The following SYCP1 variants were observed in gnomAD, a reference collection of about 807,000 sequenced individuals.
SYCP1 encodes cancer/testis antigen 8.
SYCP1 carries 64 observed loss-of-function variants against 153.1 expected under a neutral mutation model. The ratio of observed to expected loss-of-function variants is 0.42; its 90% CI spans 0.34 to 0.51. SYCP1 has a LOEUF of 0.51. SYCP1 is among the 20% of genes least tolerant of loss of function. The pLI is 0.06. For missense variants in SYCP1, 997 were observed against 1,049.0 expected, an observed-to-expected ratio of 0.95 and a Z score of 0.68; for synonymous variants, 384 against 341.8, an observed-to-expected ratio of 1.12 and a Z score of -1.36.
At chr1:114,859,717 A>G in intron 6 of SYCP1, 26 bp from the exon 7 acceptor site, 2 of 1,010,616 alleles carry the variant, frequency 2.0e-6, no homozygotes, top group Non-Finnish European at 2.6e-6. Context: ...GCAAAATGGG[A>G]TGAACTTTTC....
At chr1:114,917,995 C>T (rs2101702737) in intron 20 of SYCP1, among the ~76,000 whole-genome samples, 1 of 151,340 alleles carries the variant, frequency 6.6e-6, no homozygotes, top group South Asian at 2.1e-4. Flanking sequence ...TTGATGTGAT[C>T]TGACTTATCT....
chr1:114,856,456 G>A lies in SYCP1; in HGVS notation c.109-117G>A, dbSNP rs183809331. The A allele has an allele frequency of 8.2e-5, 49 of 596,270 alleles. No homozygotes were observed. In the East Asian group the frequency reaches 1.5e-3, roughly 18 times the overall value. 36.9% of individuals were successfully genotyped at this position (596,270 alleles called of 1,614,324 possible). On this transcript the variant is annotated intron_variant, in intron 2 of 31. Coordinates refer to ENST00000369522, the MANE Select transcript of SYCP1 (RefSeq NM_003176.4). The stretch of plus-strand genomic sequence containing the variant: ...TTTAAACACTGTATGTACATTAAAG[G>A]ATTTGCAATTATAGTAACCTTTTTA...
chr1:114,914,867 C>T (rs1668414605), intron 20 of SYCP1, among the ~76,000 whole-genome samples: 1 of 152,180 alleles, frequency 6.6e-6, no homozygotes, highest in Non-Finnish European at 1.5e-5. Flanking sequence ...GATGATGGTG[C>T]AGACTAAGTC....
At chr1:114,901,781 C>T (rs1207925852) in intron 16 of SYCP1, among the ~76,000 whole-genome samples, 1 of 152,050 alleles carries the variant, frequency 6.6e-6, no homozygotes, top group Non-Finnish European at 1.5e-5. Context: ...AATAGTGATC[C>T]CCATCATTCC....
At chr1:114,900,011 G>A (rs969985007) in intron 16 of SYCP1, among the ~76,000 whole-genome samples, 2 of 152,170 alleles carry the variant, frequency 1.3e-5, no homozygotes, top group African/African-American at 4.8e-5. Context: ...CCAAAGTCGT[G>A]ATTCAGAAAC....
At chr1:114,872,488 T>G (rs1370065683) in intron 8 of SYCP1, among the ~76,000 whole-genome samples, 1 of 152,172 alleles carries the variant, frequency 6.6e-6, no homozygotes, top group Admixed American at 6.5e-5. Context: ...GTAGTTTGAA[T>G]GTAATATGCA....
At chr1:114,913,537 T>TAAGCATATATGACATATA (rs1553194154) in intron 19 of SYCP1, among the ~76,000 whole-genome samples, 1 of 152,016 alleles carries the variant, frequency 6.6e-6, no homozygotes, top group Non-Finnish European at 1.5e-5. Flanking sequence ...TTAAGCAAAA[T>TAAGCATATATGACATATA]AGTATGTCAT....
At chr1:114,930,768 A>G (rs1669573410) in intron 23 of SYCP1, among the ~76,000 whole-genome samples, 1 of 151,968 alleles carries the variant, frequency 6.6e-6, no homozygotes, top group Non-Finnish European at 1.5e-5. Context: ...TAACAAAGAC[A>G]TTATAATAAA....
chr1:114,857,043 GA>G (rs1439067134), intron 3 of SYCP1, among the ~76,000 whole-genome samples, 188 bp from the exon 4 acceptor site: 11 of 142,482 alleles, frequency 7.7e-5, no homozygotes, highest in Non-Finnish European at 1.7e-4. Context: ...AGGATCATTT[GA>G]GCCCTAGAGA....
At chr1:114,993,824 G>C (rs181407596) in intron 30 of SYCP1, among the ~76,000 whole-genome samples, 27 of 151,164 alleles carry the variant, frequency 1.8e-4, no homozygotes, top group Non-Finnish European at 3.4e-4. Context: ...CCACCATCCA[G>C]CTCCATAACT....
At chr1:114,927,670 T>TGGGTAAGTAGAAATTACCCA (rs1669344715) in intron 23 of SYCP1, among the ~76,000 whole-genome samples, 1 of 152,148 alleles carries the variant, frequency 6.6e-6, no homozygotes, top group Admixed American at 6.6e-5. Context: ...AACTGGAAGT[T>TGGGTAAGTAGAAATTACCCA]GGGTAAGTAG....
intron 29 of SYCP1, among the ~76,000 whole-genome samples, chr1:114,983,956 A>C (rs1481640867): frequency 6.6e-6 from 1 of 151,902 alleles, no homozygotes; most frequent in Admixed American, 6.6e-5. Flanking sequence ...GCTGGGCTGC[A>C]GTGGCATGAT....
intron 30 of SYCP1, among the ~76,000 whole-genome samples, chr1:114,985,189 G>C (rs1368601080): frequency 6.6e-6 from 1 of 151,818 alleles, no homozygotes; most frequent in Non-Finnish European, 1.5e-5. Context: ...TTTTTAAAAA[G>C]AGAGATGGAG....
chr1:114,866,761 A>T (rs1219099928), intron 8 of SYCP1, among the ~76,000 whole-genome samples: 1 of 151,874 alleles, frequency 6.6e-6, no homozygotes, highest in Non-Finnish European at 1.5e-5. Context: ...TGTATCTAAA[A>T]AAAAAAAGTC....
intron 23 of SYCP1, among the ~76,000 whole-genome samples, chr1:114,929,810 A>G (rs1368079758): frequency 2.0e-5 from 3 of 152,104 alleles, no homozygotes; most frequent in Non-Finnish European, 4.4e-5. Context: ...TAAAACATCT[A>G]TAAGGATGTA....
chr1:114,926,571 G>T lies in SYCP1; in HGVS notation c.1926+8G>T, dbSNP rs754794641. The T allele has an allele frequency of 6.3e-7, 1 of 1,579,766 alleles. No individual in the cohort carries two copies. On this transcript the variant is annotated splice_region_variant and intron_variant, in intron 23 of 31. Transcript: ENST00000369522. ...AATGTTTATGAGATAAAGGTATTTG[G>T]CATCTTTATTTTTGTTTTTTAAATA...
chr1:114,921,216 C>G (rs140459182), intron 20 of SYCP1, among the ~76,000 whole-genome samples: 10 of 151,992 alleles, frequency 6.6e-5, no homozygotes, highest in African/African-American at 2.4e-4. Flanking sequence ...AAACTGATGA[C>G]AAGTTAACTG....
intron 15 of SYCP1, among the ~76,000 whole-genome samples, chr1:114,892,570 G>T (rs1331392888): frequency 6.6e-6 from 1 of 152,122 alleles, no homozygotes; most frequent in African/African-American, 2.4e-5. Flanking sequence ...TGTCCTTGGG[G>T]TGTTTGCAAA....
At chr1:114,964,974 A>C (rs1180561129) in intron 27 of SYCP1, among the ~76,000 whole-genome samples, 1 of 152,114 alleles carries the variant, frequency 6.6e-6, no homozygotes, top group Non-Finnish European at 1.5e-5. Context: ...TTTTCATGGT[A>C]TTGATTCTTC....
Sources: gnomAD v4.1 joint callset for allele counts (sites outside exome capture counted in the v4.1 genomes callset) on GRCh38, gnomAD v4.1.1 for gene constraint, MANE v1.5 for transcripts, NCBI Gene and HGNC (gene_info 2026-07-23, HGNC 2026-07-21) for gene names.